HTR1F: variants seen among roughly 807,000 people sequenced by gnomAD.
HTR1F encodes 5-hydroxytryptamine receptor 1F.
HTR1F carries 17 observed loss-of-function variants against 24.0 expected under a neutral mutation model. That is an observed-to-expected ratio of 0.71 (90% CI 0.48 to 1.06). The LOEUF is 1.06. HTR1F is among the 50% of genes least tolerant of loss of function. HTR1F has a pLI of 0.00. For synonymous variants in HTR1F, 186 were observed against 156.8 expected (o/e 1.19, Z -1.39); for missense variants, 391 against 427.8 (o/e 0.91, Z 0.76).
intron 2 of HTR1F, among the ~76,000 whole-genome samples, chr3:87,951,758 C>T (rs1183764906): frequency 2.0e-5 from 3 of 151,948 alleles, no homozygotes; most frequent in Non-Finnish European, 4.4e-5. Context: ...ATATGATGGA[C>T]ATATATATCC....
intron 2 of HTR1F, among the ~76,000 whole-genome samples, chr3:87,919,573 A>G (rs549534221): frequency 1.3e-5 from 2 of 152,138 alleles, no homozygotes; most frequent in South Asian, 2.1e-4. Context: ...TGAATAAACA[A>G]TTCTCAAAAG....
intron 2 of HTR1F, among the ~76,000 whole-genome samples, chr3:87,840,029 G>A (rs1451494791): frequency 6.6e-6 from 1 of 152,142 alleles, no homozygotes; most frequent in Non-Finnish European, 1.5e-5. Context: ...TGGAAACTTA[G>A]GTTGATTCCA....
chr3:87,838,284 C>T (rs374305012), intron 2 of HTR1F, among the ~76,000 whole-genome samples: 12 of 152,064 alleles, frequency 7.9e-5, no homozygotes, highest in African/African-American at 2.9e-4. Flanking sequence ...TAGAGGGACC[C>T]TACCAGTGTC....
rs188705429 is a variant in HTR1F, at chr3:87,833,495, G to A, written c.-43+11371G>A. ...CAAGGAACTCAGTTGACCCCATACC[G>A]TATTTATAAAGCACTTAAAAAAATA... is the stretch of plus-strand genomic sequence containing the variant. On this transcript the variant is annotated intron_variant, in intron 2 of 2. Transcript: ENST00000319595. Among the ~76,000 whole-genome samples the A allele has an allele frequency of 7.9e-5, 12 of 152,048 alleles. No homozygotes were observed. In the East Asian group the frequency reaches 9.7e-4, roughly 12 times the overall value.
chr3:87,919,236 G>C (rs1275731956), intron 2 of HTR1F, among the ~76,000 whole-genome samples: 2 of 151,976 alleles, frequency 1.3e-5, no homozygotes, highest in African/African-American at 2.4e-5. Flanking sequence ...GATGGATTAA[G>C]GACTTAAATC....
intron 2 of HTR1F, among the ~76,000 whole-genome samples, chr3:87,857,072 G>A (rs1705214810): frequency 6.6e-6 from 1 of 151,938 alleles, no homozygotes; most frequent in Non-Finnish European, 1.5e-5. Flanking sequence ...ACCTAGGACT[G>A]TTCTGTGAAA....
Position 87,902,367 on chromosome 3 carries a change from G to A in HTR1F, c.-43+80243G>A, listed in dbSNP as rs1706343334. On this transcript the variant is annotated intron_variant, in intron 2 of 2. Coordinates refer to ENST00000319595, the MANE Select transcript of HTR1F (RefSeq NM_001322209.2). Reference sequence around the variant, plus strand: ...CAGAAAAATTTAATTTCATTGGGGAGGAATATGAATCTTGATTCCTACCCC... The same window carrying A: ...CAGAAAAATTTAATTTCATTGGGGAAGAATATGAATCTTGATTCCTACCCC... Among the ~76,000 whole-genome samples the A allele has an allele frequency of 2.0e-5, 3 of 151,980 alleles. No individual in the cohort carries two copies. The South Asian group carries it at 6.2e-4, about 32-fold the overall frequency.
intron 1 of HTR1F, among the ~76,000 whole-genome samples, chr3:87,797,352 A>T (rs993611915): frequency 2.0e-5 from 3 of 152,232 alleles, no homozygotes; most frequent in Admixed American, 6.5e-5. Flanking sequence ...TGTTAAAATT[A>T]TTAGGCAGCT....
chr3:87,808,159 C>A (rs1409022567), intron 1 of HTR1F, among the ~76,000 whole-genome samples: 4 of 151,852 alleles, frequency 2.6e-5, no homozygotes, highest in Non-Finnish European at 4.4e-5. Context: ...ATTTTCTCCT[C>A]TCCAATTTTT....
At chr3:87,808,757 T>G (rs1041627789) in intron 1 of HTR1F, among the ~76,000 whole-genome samples, 1 of 151,906 alleles carries the variant, frequency 6.6e-6, no homozygotes, top group South Asian at 2.1e-4. Flanking sequence ...TTCTATCAGC[T>G]TTGTTCTTAG....
At chr3:87,947,335 C>A (rs973596337) in intron 2 of HTR1F, among the ~76,000 whole-genome samples, 1 of 151,994 alleles carries the variant, frequency 6.6e-6, no homozygotes, top group Non-Finnish European at 1.5e-5. Flanking sequence ...GATAAGATGA[C>A]ATGATTATAT....
At chr3:87,846,013 G>A (rs1467293001) in intron 2 of HTR1F, among the ~76,000 whole-genome samples, 1 of 151,896 alleles carries the variant, frequency 6.6e-6, no homozygotes, top group African/African-American at 2.4e-5. Context: ...CACTCACTAT[G>A]TGCTAGCCAT....
At chr3:87,887,988 T>C (rs1705994273) in intron 2 of HTR1F, among the ~76,000 whole-genome samples, 2 of 152,192 alleles carry the variant, frequency 1.3e-5, no homozygotes, top group Admixed American at 6.5e-5. Context: ...CAAAGGATTA[T>C]AAATCAGGCT....
chr3:87,829,294 T>A (rs562545610), intron 2 of HTR1F, among the ~76,000 whole-genome samples: 80 of 152,286 alleles, frequency 5.3e-4, no homozygotes, highest in Admixed American at 3.5e-3. Context: ...CTTTAAAAAA[T>A]CAGTTTCATT....
chr3:87,876,764 G>A (rs1411118253), intron 2 of HTR1F, among the ~76,000 whole-genome samples: 1 of 152,032 alleles, frequency 6.6e-6, no homozygotes, highest in Non-Finnish European at 1.5e-5. Context: ...AGCTACCGAA[G>A]AACAACATAT....
At chr3:87,918,521 CAA>C (rs1211839996) in intron 2 of HTR1F, among the ~76,000 whole-genome samples, 20 of 151,996 alleles carry the variant, frequency 1.3e-4, no homozygotes, top group African/African-American at 4.6e-4. Flanking sequence ...AAGAATTTAG[CAA>C]AGTTTCCAGA....
chr3:87,987,757 T>A (rs1322428584), intron 2 of HTR1F, among the ~76,000 whole-genome samples: 6 of 135,720 alleles, frequency 4.4e-5, no homozygotes, highest in East Asian at 2.0e-4. Flanking sequence ...ATATATGTAT[T>A]ATATATATGT....
At chr3:87,911,080 A>G (rs1484424466) in intron 2 of HTR1F, among the ~76,000 whole-genome samples, 1 of 152,074 alleles carries the variant, frequency 6.6e-6, no homozygotes, top group Non-Finnish European at 1.5e-5. Context: ...AAGCAAAAGC[A>G]AACCAAAAAG....
intron 2 of HTR1F, among the ~76,000 whole-genome samples, chr3:87,983,014 G>A (rs980404076): frequency 4.6e-5 from 7 of 152,152 alleles, no homozygotes; most frequent in African/African-American, 1.4e-4. Flanking sequence ...TGGGGAGCAC[G>A]TGAATATATT....
Sources: allele counts gnomAD v4.1 joint callset (sites outside exome capture counted in the v4.1 genomes callset), GRCh38; gene constraint gnomAD v4.1.1; transcripts MANE v1.5; gene names NCBI Gene and HGNC (gene_info 2026-07-23, HGNC 2026-07-21).